The following SUMF1 variants were observed in gnomAD, a reference collection of about 807,000 sequenced individuals.
SUMF1 encodes the protein sulfatase modifying factor 1.
Under a neutral mutation model 47.6 loss-of-function variants are expected in SUMF1, and 48 were observed. The observed-to-expected ratio is 1.01, with a 90% CI of 0.80 to 1.28. The LOEUF (loss-of-function observed/expected upper bound fraction) is 1.28, where lower values mean the gene tolerates loss of function less well. Ranked by LOEUF, SUMF1 falls within the 50% of genes most tolerant of loss-of-function variation. The probability of loss-of-function intolerance (pLI) is 0.00; values close to 1 mark genes in which losing one functional copy is unlikely to be tolerated. For synonymous variants in SUMF1, 230 were observed against 192.1 expected (o/e 1.20, Z -1.63); for missense variants, 571 against 485.4 (o/e 1.18, Z -1.66).
At chr3:4,066,199 T>C (rs533093434) in intron 9 of SUMF1, among the ~76,000 whole-genome samples, 3 of 152,054 alleles carry the variant, frequency 2.0e-5, no homozygotes, top group Non-Finnish European at 4.4e-5. Flanking sequence ...CTGTTATTTT[T>C]AATTCAAAAA....
intron 8 of SUMF1, among the ~76,000 whole-genome samples, chr3:4,333,930 C>T (rs192646408): frequency 7.9e-4 from 119 of 151,548 alleles, no homozygotes; most frequent in Non-Finnish European, 1.4e-3. Flanking sequence ...AAGTTTAGAA[C>T]CAACCTGAAC....
intron 8 of SUMF1, among the ~76,000 whole-genome samples, chr3:4,114,824 A>G (rs1322674398): frequency 6.6e-6 from 1 of 152,178 alleles, no homozygotes; most frequent in Non-Finnish European, 1.5e-5. Flanking sequence ...TGAGAACATC[A>G]ACTGCCTTTT....
chr3:4,355,364 T>C (rs75584175), intron 8 of SUMF1, among the ~76,000 whole-genome samples: 5,319 of 151,916 alleles, frequency 0.035, 314 homozygotes, highest in African/African-American at 0.12. Flanking sequence ...CTCAGAAAAA[T>C]AAAAATAAAA....
At chr3:4,148,013 T>C (rs1041477632) in intron 8 of SUMF1, among the ~76,000 whole-genome samples, 3 of 152,128 alleles carry the variant, frequency 2.0e-5, no homozygotes, top group Non-Finnish European at 2.9e-5. Flanking sequence ...GCATGAAATA[T>C]AAGCTTCCTT....
chr3:4,094,798 G>T (rs531638914), intron 8 of SUMF1, among the ~76,000 whole-genome samples: 42 of 152,138 alleles, frequency 2.8e-4, no homozygotes, highest in African/African-American at 9.9e-4. Flanking sequence ...AGTTCTCCTT[G>T]GTCCCAAAAC....
intron 7 of SUMF1, among the ~76,000 whole-genome samples, chr3:4,396,437 C>T (rs1337222520): frequency 6.6e-6 from 1 of 152,128 alleles, no homozygotes; most frequent in African/African-American, 2.4e-5. Context: ...CAGGATGAGC[C>T]CAGGCAGGAG....
intron 4 of SUMF1, among the ~76,000 whole-genome samples, chr3:4,418,686 G>A (rs1228740464): frequency 1.3e-5 from 2 of 152,202 alleles, no homozygotes; most frequent in South Asian, 2.1e-4. Flanking sequence ...CTACAGGTGT[G>A]GGGCCCTAAC....
Position 4,374,096 on chromosome 3 carries a change from A to T in SUMF1, c.1014+2234T>A, listed in dbSNP as rs139493858. Among the ~76,000 whole-genome samples, 350 of 152,300 alleles carry T rather than the reference A, an allele frequency of 2.3e-3. 3 individuals carry two copies. The highest frequency in any genetic ancestry group is 7.9e-3 in the African/African-American group (328 of 41,574). ...GCTAATACATATCCAATTTTGAAAA[A>T]CTGAATGTTTATTCCCTAAGATCAA... On this transcript the variant is annotated intron_variant, in intron 8 of 8. Coordinates refer to ENST00000272902, the MANE Select transcript of SUMF1 (RefSeq NM_182760.4).
chr3:4,449,083 G>C (rs1453903078), intron 3 of SUMF1, among the ~76,000 whole-genome samples, 183 bp downstream of exon 3: 1 of 152,132 alleles, frequency 6.6e-6, no homozygotes, highest in East Asian at 1.9e-4. Context: ...ATACCATCTT[G>C]TCCCATTTTC....
intron 8 of SUMF1, among the ~76,000 whole-genome samples, chr3:4,149,552 C>G (rs1694271154): frequency 6.6e-6 from 1 of 152,138 alleles, no homozygotes; most frequent in Non-Finnish European, 1.5e-5. Flanking sequence ...ACATGTTCCT[C>G]TTTGAACCAC....
chr3:4,151,201 C>T (rs906378460), intron 8 of SUMF1, among the ~76,000 whole-genome samples: 1 of 149,636 alleles, frequency 6.7e-6, no homozygotes, highest in African/African-American at 2.5e-5. Flanking sequence ...TATTTAAACA[C>T]ATATAAGGAA....
intron 8 of SUMF1, among the ~76,000 whole-genome samples, chr3:4,145,213 A>C (rs947090714): frequency 4.7e-5 from 7 of 150,406 alleles, no homozygotes; most frequent in Non-Finnish European, 3.0e-5. Flanking sequence ...AAAAAAAAAA[A>C]GCCATCTCCT....
chr3:4,136,030 T>C (rs992050456), intron 8 of SUMF1, among the ~76,000 whole-genome samples: 6 of 152,044 alleles, frequency 3.9e-5, no homozygotes, highest in Admixed American at 6.6e-5. Context: ...CAATCAATAT[T>C]GTGAAAATGG....
chr3:4,086,890 T>C (rs186995918), intron 8 of SUMF1, among the ~76,000 whole-genome samples: 71 of 152,270 alleles, frequency 4.7e-4, no homozygotes, highest in African/African-American at 1.6e-3. Flanking sequence ...ACATGCCTCT[T>C]GCCTTCCACC....
At chr3:4,289,984 C>G (rs1261112234) in intron 8 of SUMF1, among the ~76,000 whole-genome samples, 4 of 152,204 alleles carry the variant, frequency 2.6e-5, no homozygotes, top group African/African-American at 7.2e-5. Flanking sequence ...ATTGGCAGAT[C>G]TAGATATGAG....
intron 1 of SUMF1, among the ~76,000 whole-genome samples, chr3:4,465,610 T>C (rs573482401): frequency 5.9e-5 from 9 of 151,752 alleles, no homozygotes; most frequent in African/African-American, 1.7e-4. Context: ...ACACAAAAGA[T>C]AAACAGTACT....
chr3:4,211,139 TATAC>T (rs1201164989), intron 8 of SUMF1, among the ~76,000 whole-genome samples: 3 of 122,230 alleles, frequency 2.5e-5, no homozygotes, highest in African/African-American at 9.0e-5. Context: ...CACACACATA[TATAC>T]ATATACATAT....
At chr3:4,270,837 T>C (rs1697288429) in intron 8 of SUMF1, among the ~76,000 whole-genome samples, 1 of 152,194 alleles carries the variant, frequency 6.6e-6, no homozygotes, top group Non-Finnish European at 1.5e-5. Flanking sequence ...GTTAGGAACT[T>C]CCCTAAAGGG....
intron 9 of SUMF1, among the ~76,000 whole-genome samples, chr3:4,058,942 C>T (rs1695235145): frequency 6.6e-6 from 1 of 152,116 alleles, no homozygotes; most frequent in Admixed American, 6.6e-5. Flanking sequence ...TGAGATTACT[C>T]TAGCAATTAC....
Sources: gnomAD v4.1 joint callset for allele counts (sites outside exome capture counted in the v4.1 genomes callset) on GRCh38, gnomAD v4.1.1 for gene constraint, MANE v1.5 for transcripts, NCBI Gene and HGNC (gene_info 2026-07-23, HGNC 2026-07-21) for gene names.